Variants in CACNA1C observed in about 807,000 individuals in gnomAD.
CACNA1C encodes calcium voltage-gated channel subunit alpha1 C.
A neutral mutation model predicts 229.0 loss-of-function variants in CACNA1C; 30 were observed. The ratio of observed to expected loss-of-function variants is 0.13; its 90% CI spans 0.10 to 0.18. The LOEUF (loss-of-function observed/expected upper bound fraction) is 0.18, where lower values mean the gene tolerates loss of function less well. CACNA1C is among the 10% of genes least tolerant of loss of function. CACNA1C has a pLI of 1.00. For synonymous variants in CACNA1C, 1,114 were observed against 1,132.5 expected, an observed-to-expected ratio of 0.98 and a Z score of 0.33; for missense variants, 1,658 against 2,845.0, an observed-to-expected ratio of 0.58 and a Z score of 9.49.
At chr12:2,397,736 G>A (rs924805431) in intron 3 of CACNA1C, among the ~76,000 whole-genome samples, 7 of 152,338 alleles carry the variant, frequency 4.6e-5, no homozygotes, top group Middle Eastern at 3.4e-3. Flanking sequence ...GGATTAGAGC[G>A]TCTGCAGAGG....
At position 2,257,257 on chromosome 12, in the gene CACNA1C, A is replaced by T. The variant is rs117348560; in HGVS notation, c.477+136827A>T. 9.6e-4 allele frequency among the ~76,000 whole-genome samples: 146 copies of T among 152,278 alleles called. 2 individuals are homozygous for T. In the East Asian group the frequency reaches 0.025, roughly 27 times the overall value. On this transcript the variant is annotated intron_variant, in intron 3 of 46. Transcript: ENST00000399655. ...CATGGGCCACACCTGTCTCCAAAGGAGGTTGAGAAATGTAGTCCAGCTGAG... is the reference window on the plus strand; with the variant it reads ...CATGGGCCACACCTGTCTCCAAAGGTGGTTGAGAAATGTAGTCCAGCTGAG...
intron 1 of CACNA1C, among the ~76,000 whole-genome samples, chr12:2,105,354 C>A (rs1489596841): frequency 2.6e-5 from 4 of 152,152 alleles, no homozygotes; most frequent in Non-Finnish European, 5.9e-5. Context: ...GATCTCCTGG[C>A]GCCCTCACGG....
intron 3 of CACNA1C, among the ~76,000 whole-genome samples, chr12:2,166,944 A>G (rs2096264429): frequency 6.6e-6 from 1 of 152,236 alleles, no homozygotes; most frequent in South Asian, 2.1e-4. Flanking sequence ...CACCAGACGT[A>G]GTAACAGAAA....
chr12:2,343,515 A>T (rs553529600), intron 3 of CACNA1C, among the ~76,000 whole-genome samples: 1 of 152,302 alleles, frequency 6.6e-6, no homozygotes, highest in South Asian at 2.1e-4. Flanking sequence ...TAACTGTTAC[A>T]TGGAGCATAC....
chr12:2,573,435 A>G (rs2057200922), intron 13 of CACNA1C, among the ~76,000 whole-genome samples: 1 of 152,262 alleles, frequency 6.6e-6, no homozygotes. Context: ...AAGAACTACT[A>G]TGAATTCAGC....
At chr12:2,546,796 CAT>C (rs1228924193) in intron 9 of CACNA1C, among the ~76,000 whole-genome samples, 2 of 152,196 alleles carry the variant, frequency 1.3e-5, no homozygotes, top group Non-Finnish European at 2.9e-5. Flanking sequence ...AAAGCAGACA[CAT>C]ATATGTTTTG....
chr12:2,296,361 G>A (rs2094039985), intron 3 of CACNA1C, among the ~76,000 whole-genome samples: 1 of 152,200 alleles, frequency 6.6e-6, no homozygotes, highest in African/African-American at 2.4e-5. Context: ...AGATCCAAAA[G>A]ACAGGTCATA....
rs139326847 is a variant in CACNA1C, at chr12:2,005,297, C to T, written c.139+34096C>T. 2.0e-3 allele frequency among the ~76,000 whole-genome samples: 307 copies of T among 152,244 alleles called. 2 individuals are homozygous for T. Among genetic ancestry groups the T allele is most frequent in the African/African-American group, 7.1e-3 (296 of 41,516 alleles). Reference sequence around the variant, plus strand: ...AAAAATAGGAAATAGGCATAAAGCACGTCTGCTGCAAAATGAAGTGTGTCA... The same window carrying T: ...AAAAATAGGAAATAGGCATAAAGCATGTCTGCTGCAAAATGAAGTGTGTCA... On this transcript the variant is annotated intron_variant, in intron 1 of 46. Transcript: ENST00000682462.
chr12:2,415,332 C>T (rs2098864561), intron 3 of CACNA1C, among the ~76,000 whole-genome samples: 1 of 152,180 alleles, frequency 6.6e-6, no homozygotes, highest in Admixed American at 6.5e-5. Context: ...CGCTTTTCTA[C>T]CTACGTTTCC....
chr12:2,655,412 C>A (rs1444839441), intron 34 of CACNA1C, among the ~76,000 whole-genome samples, 174 bp downstream of exon 34: 2 of 152,190 alleles, frequency 1.3e-5, no homozygotes, highest in Non-Finnish European at 2.9e-5. Flanking sequence ...TTTATGATAA[C>A]TTTCCACAGA....
Position 2,410,601 on chromosome 12 carries a change from G to C in CACNA1C, c.478-38375G>C, listed in dbSNP as rs1201360987. 1.3e-5 allele frequency among the ~76,000 whole-genome samples: 2 copies of C among 152,000 alleles called. No individual in the cohort carries two copies. The highest frequency in any genetic ancestry group is 2.9e-5 in the Non-Finnish European group (2 of 68,008). ...GTGCATGCGTGTGTGTGTTCCAGGA[G>C]CTGACTCTAGCTGTGAGGATGGCTC... is the stretch of plus-strand genomic sequence containing the variant. On this transcript the variant is annotated intron_variant, in intron 3 of 46. Coordinates refer to ENST00000399655, the MANE Select transcript of CACNA1C (RefSeq NM_000719.7). This position sits in a 1 kb window ranked among gnomAD's most constrained non-coding sequence, Gnocchi z 5.3.
chr12:2,383,522 T>G (rs149914822), intron 3 of CACNA1C, among the ~76,000 whole-genome samples: 164 of 152,192 alleles, frequency 1.1e-3, no homozygotes, highest in Non-Finnish European at 1.3e-3. Context: ...GAGTTATAAA[T>G]GGAAAGCCTG....
intron 34 of CACNA1C, among the ~76,000 whole-genome samples, chr12:2,661,270 T>TACATACAC (rs2095707767): frequency 7.6e-6 from 1 of 131,160 alleles, no homozygotes; most frequent in Admixed American, 7.5e-5. Flanking sequence ...TCTAAACACA[T>TACATACAC]ACACACACAT....
Position 2,688,717 on chromosome 12 carries a change from C to G in CACNA1C, c.6055C>G (p.Pro2019Ala), listed in dbSNP as rs773185026. 73 of 1,605,020 alleles carry G rather than the reference C, an allele frequency of 4.5e-5. No individual in the cohort carries two copies. The highest frequency in any genetic ancestry group is 5.4e-5 in the Non-Finnish European group (64 of 1,175,402). Reference protein sequence around the residue: ...RRVRPVSLMVPSQAGAPGRQF... With the variant: ...RRVRPVSLMVASQAGAPGRQF... Reference sequence around the variant, plus strand: ...AGTCCGGCCCGTCTCCCTCATGGTGCCCAGCCAGGCTGGGGCCCCAGGGAG... The same window carrying G: ...AGTCCGGCCCGTCTCCCTCATGGTGGCCAGCCAGGCTGGGGCCCCAGGGAG... Residue 2019 changes from proline to alanine, a missense_variant, in exon 46 of 47, where the codon CCC becomes GCC. This residue lies in a region of CACNA1C where 590 missense variants were observed against 700.8 expected (regional missense o/e 0.84). Transcript: ENST00000399655.
chr12:2,540,239 A>G (rs2099866271), intron 9 of CACNA1C, among the ~76,000 whole-genome samples: 1 of 152,200 alleles, frequency 6.6e-6, no homozygotes, highest in Non-Finnish European at 1.5e-5. Context: ...CAGACTCTCA[A>G]CTGTCCGGCA....
chr12:2,605,001 A>G lies in CACNA1C; in HGVS notation c.2961-80A>G. On this transcript the variant is annotated intron_variant, in intron 22 of 46. Coordinates refer to ENST00000399655, the MANE Select transcript of CACNA1C (RefSeq NM_000719.7). The surrounding 1 kb of genome is among the most constrained non-coding windows in gnomAD (Gnocchi z 6.2). ...CAGGTTTGCCTCGGATTCACCTGTC[A>G]GGACATTCCCTTACCACATTATTTT... The G allele has an allele frequency of 9.5e-7, 1 of 1,054,516 alleles. No individual in the cohort carries two copies. Among genetic ancestry groups the G allele is most frequent in the Non-Finnish European group, 1.5e-6 (1 of 674,190 alleles). 65.3% of individuals were successfully genotyped at this position (1,054,516 alleles called of 1,614,324 possible). A position where few individuals can be genotyped will look rare whatever the true frequency, so the allele number is the denominator to read the frequency against.
intron 1 of CACNA1C, among the ~76,000 whole-genome samples, chr12:1,999,385 A>G (rs1314148349): frequency 6.6e-6 from 1 of 152,234 alleles, no homozygotes; most frequent in African/African-American, 2.4e-5. Flanking sequence ...TTTAATCTCA[A>G]GATGTTTATT....
At chr12:2,314,672 A>C (rs753152976) in intron 3 of CACNA1C, among the ~76,000 whole-genome samples, 1 of 152,172 alleles carries the variant, frequency 6.6e-6, no homozygotes, top group South Asian at 2.1e-4. Context: ...AAAGTTGTTC[A>C]TGTTCATCGG....
At chr12:2,412,416 G>A (rs1426667088) in intron 3 of CACNA1C, among the ~76,000 whole-genome samples, 1 of 152,230 alleles carries the variant, frequency 6.6e-6, no homozygotes, top group Non-Finnish European at 1.5e-5. Context: ...AAGGGGCGGT[G>A]CCCAGCAGAC....
Sources: gnomAD v4.1 joint callset for allele counts (sites outside exome capture counted in the v4.1 genomes callset) on GRCh38, gnomAD v4.1.1 for gene constraint, gnomAD v4.1.1 regional missense constraint, Gnocchi (gnomAD v3.1) non-coding constraint, MANE v1.5 for transcripts, NCBI Gene and HGNC (gene_info 2026-07-23, HGNC 2026-07-21) for gene names.